IL1RAPL2: variants seen among roughly 807,000 people sequenced by gnomAD.
IL1RAPL2 encodes the protein interleukin 1 receptor accessory protein like 2.
Under a neutral mutation model 44.1 loss-of-function variants are expected in IL1RAPL2, and 3 were observed. The ratio of observed to expected loss-of-function variants is 0.07; its 90% CI spans 0.03 to 0.18. IL1RAPL2 has a LOEUF of 0.18. Among genes scored for constraint, IL1RAPL2 ranks in the 10% least tolerant of loss-of-function variants. The pLI is 1.00. For synonymous variants in IL1RAPL2, 181 were observed against 178.8 expected (o/e 1.01, Z -0.10); for missense variants, 391 against 496.4 (o/e 0.79, Z 2.02).
intron 6 of IL1RAPL2, among the ~76,000 whole-genome samples, chrX:105,585,053 T>C (rs1382354821): frequency 9.0e-6 from 1 of 110,982 alleles, no homozygotes; most frequent in African/African-American, 3.3e-5. Flanking sequence ...ATTTCAGATA[T>C]TGTATTTTTA....
At chrX:105,752,355 G>A (rs949485610) in intron 9 of IL1RAPL2, among the ~76,000 whole-genome samples, 2 of 112,449 alleles carry the variant, frequency 1.8e-5, no homozygotes, top group African/African-American at 3.2e-5. Context: ...TCTTGATAGG[G>A]AACAGGATTC....
At chrX:105,713,902 C>A (rs1333161980) in intron 6 of IL1RAPL2, among the ~76,000 whole-genome samples, 1 of 111,820 alleles carries the variant, frequency 8.9e-6, no homozygotes, top group Non-Finnish European at 1.9e-5. Flanking sequence ...TATTCTGCTT[C>A]CCTTTTTAAG....
At chrX:105,513,497 A>G (rs1242416030) in intron 6 of IL1RAPL2, among the ~76,000 whole-genome samples, 1 of 111,587 alleles carries the variant, frequency 9.0e-6, no homozygotes, top group Non-Finnish European at 1.9e-5. Flanking sequence ...TGTAGTTTTG[A>G]TTTGCATTTC....
intron 10 of IL1RAPL2, among the ~76,000 whole-genome samples, chrX:105,765,973 C>G (rs915497011): frequency 2.7e-5 from 3 of 112,413 alleles, no homozygotes; most frequent in African/African-American, 9.7e-5. Context: ...AGACAGCTCT[C>G]TGGTGTAGCA....
intron 5 of IL1RAPL2, among the ~76,000 whole-genome samples, chrX:105,350,173 T>A (rs1252217351): frequency 1.8e-5 from 2 of 112,168 alleles, no homozygotes; most frequent in Non-Finnish European, 3.8e-5. Context: ...TCTTGAAACG[T>A]AGCTTTGATA....
chrX:105,085,205 T>C (rs2032464486), intron 2 of IL1RAPL2, among the ~76,000 whole-genome samples: 1 of 112,104 alleles, frequency 8.9e-6, no homozygotes, highest in African/African-American at 3.2e-5. Flanking sequence ...AAAAATCTTC[T>C]ACACAGCGAA....
intron 5 of IL1RAPL2, among the ~76,000 whole-genome samples, chrX:105,389,871 G>A (rs1329368645): frequency 2.0e-4 from 22 of 110,939 alleles, no homozygotes; most frequent in Non-Finnish European, 7.6e-5. Flanking sequence ...TACATGGTCT[G>A]TCACTTTGGG....
intron 2 of IL1RAPL2, among the ~76,000 whole-genome samples, chrX:105,143,016 C>T (rs1465480872): frequency 1.8e-5 from 2 of 111,010 alleles, no homozygotes; most frequent in Non-Finnish European, 3.8e-5. Flanking sequence ...TTTTCTTAAT[C>T]CAGTCTATCA....
chrX:104,711,022 G>T lies in IL1RAPL2; in HGVS notation c.82+52027G>T, dbSNP rs1224585479. Among the ~76,000 whole-genome samples, 4 of 111,411 alleles carry T rather than the reference G, an allele frequency of 3.6e-5. No homozygotes were observed. The East Asian group carries it at 1.1e-3, about 32-fold the overall frequency. On this transcript the variant is annotated intron_variant, in intron 2 of 10. Transcript: ENST00000372582. ...CTCAGGTGGGTCCTTCAGGAGATAT[G>T]CCAGAAGGCATTGTTATCATAGGAG...
chrX:104,627,888 G>A (rs1929546812), intron 1 of IL1RAPL2, among the ~76,000 whole-genome samples: 1 of 110,835 alleles, frequency 9.0e-6, no homozygotes, highest in Non-Finnish European at 1.9e-5. Flanking sequence ...ATCTAGAACT[G>A]TGATTTTGAT....
intron 1 of IL1RAPL2, among the ~76,000 whole-genome samples, chrX:104,640,759 A>G (rs754733387): frequency 8.9e-6 from 1 of 112,125 alleles, no homozygotes; most frequent in South Asian, 3.7e-4. Flanking sequence ...TTCTTCTGCT[A>G]TATAGCATCG....
At chrX:104,805,605 T>C (rs1381328226) in intron 2 of IL1RAPL2, among the ~76,000 whole-genome samples, 2 of 112,022 alleles carry the variant, frequency 1.8e-5, no homozygotes, top group Non-Finnish European at 3.8e-5. Flanking sequence ...CTCTCTGCAC[T>C]GAATAAAATG....
intron 4 of IL1RAPL2, among the ~76,000 whole-genome samples, chrX:105,244,971 T>C (rs137936193): frequency 2.7e-5 from 3 of 111,666 alleles, no homozygotes; most frequent in African/African-American, 9.7e-5. Flanking sequence ...TTGGCCACAT[T>C]TGATTGGTCA....
intron 2 of IL1RAPL2, among the ~76,000 whole-genome samples, chrX:105,125,992 A>T (rs2032971390): frequency 9.0e-6 from 1 of 111,386 alleles, no homozygotes; most frequent in Admixed American, 9.5e-5. Flanking sequence ...GACCTTAGAA[A>T]CTATGTAGTT....
chrX:105,250,938 T>G (rs970849590), intron 4 of IL1RAPL2, among the ~76,000 whole-genome samples: 1 of 110,941 alleles, frequency 9.0e-6, no homozygotes, highest in Admixed American at 9.6e-5. Context: ...GAATGTAGAA[T>G]ATAATAAAGG....
chrX:104,789,869 T>G (rs1290518430), intron 2 of IL1RAPL2, among the ~76,000 whole-genome samples: 1 of 112,482 alleles, frequency 8.9e-6, no homozygotes, highest in East Asian at 2.8e-4. Flanking sequence ...CCTTAAGAGC[T>G]GAGGTTAAAC....
intron 2 of IL1RAPL2, among the ~76,000 whole-genome samples, chrX:104,799,827 G>C (rs1466171485): frequency 9.0e-6 from 1 of 111,089 alleles, no homozygotes; most frequent in Non-Finnish European, 1.9e-5. Context: ...TCAGGGCAAG[G>C]ATGTTAAAAA....
intron 2 of IL1RAPL2, among the ~76,000 whole-genome samples, chrX:105,148,605 G>A (rs2033199385): frequency 8.9e-6 from 1 of 111,733 alleles, no homozygotes; most frequent in African/African-American, 3.3e-5. Context: ...GGGTTTCTGA[G>A]TTGCCATTTC....
At chrX:105,397,897 T>A (rs2035575810) in intron 5 of IL1RAPL2, among the ~76,000 whole-genome samples, 1 of 110,992 alleles carries the variant, frequency 9.0e-6, no homozygotes. Flanking sequence ...TTTCCCCAAT[T>A]TTCCATCCTT....
Sources: allele counts gnomAD v4.1 joint callset (sites outside exome capture counted in the v4.1 genomes callset), GRCh38; gene constraint gnomAD v4.1.1; transcripts MANE v1.5; gene names NCBI Gene and HGNC (gene_info 2026-07-23, HGNC 2026-07-21).